Variants in DPP6 observed in about 807,000 individuals in gnomAD.
DPP6 encodes dipeptidyl peptidase like 6.
Under a neutral mutation model 122.6 loss-of-function variants are expected in DPP6, and 69 were observed. The ratio of observed to expected loss-of-function variants is 0.56; its 90% CI spans 0.46 to 0.69. The LOEUF (loss-of-function observed/expected upper bound fraction) is 0.69, where lower values mean the gene tolerates loss of function less well. DPP6 is among the 30% of genes least tolerant of loss of function. The probability of loss-of-function intolerance (pLI) is 0.00; values close to 1 mark genes in which losing one functional copy is unlikely to be tolerated. For missense variants in DPP6, 928 were observed against 1,116.9 expected, an observed-to-expected ratio of 0.83 and a Z score of 2.41; for synonymous variants, 418 against 433.1, an observed-to-expected ratio of 0.97 and a Z score of 0.43.
chr7:153,755,344 G>A, the DPP6 span, among the ~76,000 whole-genome samples: 3 of 143,520 alleles, frequency 2.1e-5, no homozygotes, highest in African/African-American at 7.8e-5. Context: ...TTAAATCTTT[G>A]TGAAGCTTTC....
chr7:154,370,263 A>G (rs1353038595), intron 1 of DPP6, among the ~76,000 whole-genome samples: 1 of 151,934 alleles, frequency 6.6e-6, no homozygotes, highest in Admixed American at 6.6e-5. Flanking sequence ...GATTATAGGC[A>G]TGAGCCACCA....
intron 1 of DPP6, among the ~76,000 whole-genome samples, chr7:153,959,928 A>AT (rs11325507): frequency 2.6e-5 from 4 of 151,536 alleles, no homozygotes; most frequent in Non-Finnish European, 5.9e-5. Flanking sequence ...ATCATTTCTA[A>AT]TTTTTTTTTT....
At chr7:154,599,487 ACTT>A (rs1413483598) in intron 5 of DPP6, among the ~76,000 whole-genome samples, 1 of 144,896 alleles carries the variant, frequency 6.9e-6, no homozygotes, top group Admixed American at 6.7e-5. Flanking sequence ...ACTCAAGTGG[ACTT>A]CTTTTTATTA....
chr7:153,996,779 G>T (rs971693357), intron 1 of DPP6, among the ~76,000 whole-genome samples: 2 of 152,170 alleles, frequency 1.3e-5, no homozygotes, highest in African/African-American at 4.8e-5. Flanking sequence ...GTAATTCAAT[G>T]TCAAGAACAA....
At chr7:154,015,860 C>T (rs1798381011) in intron 1 of DPP6, among the ~76,000 whole-genome samples, 1 of 152,092 alleles carries the variant, frequency 6.6e-6, no homozygotes, top group African/African-American at 2.4e-5. Flanking sequence ...CACAGGGATC[C>T]TGTTGAAACA....
At chr7:154,801,315 A>G (rs377243158) in intron 12 of DPP6, 40 bp from the exon 13 acceptor site, 1 of 1,553,950 alleles carries the variant, frequency 6.4e-7, no homozygotes, top group Non-Finnish European at 8.7e-7. Flanking sequence ...AGAATAAATG[A>G]TGTTTTAGTT....
chr7:154,103,384 G>A (rs560787763), intron 1 of DPP6, among the ~76,000 whole-genome samples: 81 of 152,316 alleles, frequency 5.3e-4, no homozygotes, highest in African/African-American at 1.8e-3. Flanking sequence ...CTAAGCAAGG[G>A]CCTCATTGAG....
chr7:154,566,226 A>G (rs991763786), intron 4 of DPP6, among the ~76,000 whole-genome samples: 1 of 152,166 alleles, frequency 6.6e-6, no homozygotes, highest in African/African-American at 2.4e-5. Flanking sequence ...CAAGAGGTTG[A>G]GAGTTTTGTA....
the DPP6 span, among the ~76,000 whole-genome samples, chr7:153,824,444 T>C: frequency 6.7e-6 from 1 of 149,370 alleles, no homozygotes; most frequent in Admixed American, 6.7e-5. Context: ...CCCAGCACTT[T>C]GGGAGGCCGA....
chr7:154,140,413 G>A (rs1225655227), intron 1 of DPP6, among the ~76,000 whole-genome samples: 1 of 152,212 alleles, frequency 6.6e-6, no homozygotes, highest in East Asian at 1.9e-4. Flanking sequence ...CATGCCACTT[G>A]CCTGATAGAA....
intron 6 of DPP6, among the ~76,000 whole-genome samples, chr7:154,652,100 T>C (rs1408534795): frequency 1.3e-5 from 2 of 152,142 alleles, no homozygotes; most frequent in Non-Finnish European, 2.9e-5. Flanking sequence ...CAGTAGGATC[T>C]TACAGTGAAA....
intron 3 of DPP6, among the ~76,000 whole-genome samples, chr7:154,489,914 G>A (rs1000330624): frequency 6.6e-6 from 1 of 152,160 alleles, no homozygotes; most frequent in Non-Finnish European, 1.5e-5. Flanking sequence ...TCTACCCTTT[G>A]CGAGGCAAGG....
At chr7:154,834,896 G>T (rs540990016) in intron 16 of DPP6, among the ~76,000 whole-genome samples, 27 of 152,316 alleles carry the variant, frequency 1.8e-4, no homozygotes, top group African/African-American at 6.0e-4. Context: ...CCCTGCAAAG[G>T]TTTGTTGTGA....
chr7:154,806,896 G>A, intron 15 of DPP6, 98 bp from the exon 16 acceptor site: 1 of 1,506,594 alleles, frequency 6.6e-7, no homozygotes, highest in East Asian at 2.3e-5. Flanking sequence ...GGGCTCCGCA[G>A]ATCACCCTCA....
chr7:154,844,010 A>G (rs1292648977), intron 16 of DPP6, among the ~76,000 whole-genome samples: 2 of 152,316 alleles, frequency 1.3e-5, no homozygotes, highest in East Asian at 3.9e-4. Context: ...CTCAATACCT[A>G]TTTGTTGAAT....
intron 4 of DPP6, among the ~76,000 whole-genome samples, chr7:154,546,514 T>C (rs567796486): frequency 2.0e-5 from 3 of 152,018 alleles, no homozygotes; most frequent in East Asian, 1.9e-4. Context: ...AGTATTCTAT[T>C]GTTATGCTTA....
intron 1 of DPP6, among the ~76,000 whole-genome samples, chr7:154,351,203 ATTTGG>A (rs1434270357): frequency 3.9e-5 from 6 of 152,082 alleles, no homozygotes; most frequent in African/African-American, 1.4e-4. Context: ...AAATTTAGCA[ATTTGG>A]TTTTATTAAT....
In DPP6 at chr7:154,425,611, TGTGTGTGTGG is replaced by T. The variant is rs1317930358; in HGVS notation, c.244-20593_244-20584del. ...GTTAGTTTGGGGAAAAAAATGTGTGTGTGTGTGTGGGTGTGTGTGTGTGTGTGTGTGTGTG... is the reference window on the plus strand; with the variant it reads ...GTTAGTTTGGGGAAAAAAATGTGTGTGTGTGTGTGTGTGTGTGTGTGTGTG... On this transcript the variant is annotated intron_variant, in intron 1 of 25. Transcript: ENST00000377770. Among the ~76,000 whole-genome samples the T allele has an allele frequency of 2.7e-3, 307 of 114,060 alleles. 2 individuals are homozygous for T. The highest frequency in any genetic ancestry group is 0.013 in the African/African-American group (291 of 21,648). The allele number at this position is 114,060 out of a possible 152,430, so 74.8% of individuals were successfully genotyped here. A position where few individuals can be genotyped will look rare whatever the true frequency, so the allele number is the denominator to read the frequency against.
intron 1 of DPP6, among the ~76,000 whole-genome samples, chr7:154,281,958 G>A (rs950072976): frequency 2.0e-5 from 3 of 152,084 alleles, no homozygotes; most frequent in Non-Finnish European, 4.4e-5. Context: ...TGGTATGGGG[G>A]GTTTGGAGCC....
Sources: allele counts gnomAD v4.1 joint callset (sites outside exome capture counted in the v4.1 genomes callset), GRCh38; gene constraint gnomAD v4.1.1; transcripts MANE v1.5; gene names NCBI Gene and HGNC (gene_info 2026-07-23, HGNC 2026-07-21).